The following MAML2 variants were observed in gnomAD, a reference collection of about 807,000 sequenced individuals.
MAML2 encodes mastermind-like protein 2.
A neutral mutation model predicts 96.1 loss-of-function variants in MAML2; 22 were observed. That is an observed-to-expected ratio of 0.23 (90% CI 0.16 to 0.33). The LOEUF (loss-of-function observed/expected upper bound fraction) is 0.33. MAML2 is among the 10% of genes least tolerant of loss of function. The probability of loss-of-function intolerance (pLI) is 1.00; values close to 1 mark genes in which losing one functional copy is unlikely to be tolerated. For missense variants in MAML2, 1,367 were observed against 1,392.4 expected (o/e 0.98, Z 0.29); for synonymous variants, 561 against 521.3 (o/e 1.08, Z -1.04).
intron 1 of MAML2, among the ~76,000 whole-genome samples, chr11:96,185,593 C>T (rs1002032978): frequency 5.9e-5 from 9 of 152,162 alleles, no homozygotes; most frequent in Non-Finnish European, 2.9e-5. Context: ...ACATGTGGGC[C>T]GCAGACTGGC....
intron 1 of MAML2, among the ~76,000 whole-genome samples, chr11:96,340,196 G>A (rs1281010110): frequency 6.6e-6 from 1 of 152,202 alleles, no homozygotes; most frequent in African/African-American, 2.4e-5. Context: ...CCTCTCCCGA[G>A]AGCTCAATAT....
At chr11:96,141,396 C>G (rs1720635066) in intron 1 of MAML2, among the ~76,000 whole-genome samples, 1 of 152,116 alleles carries the variant, frequency 6.6e-6, no homozygotes, top group African/African-American at 2.4e-5. Flanking sequence ...GCAAAAGATT[C>G]CCTATGCACA....
At chr11:96,164,216 G>GA (rs1420373351) in intron 1 of MAML2, among the ~76,000 whole-genome samples, 25 of 152,198 alleles carry the variant, frequency 1.6e-4, no homozygotes, top group African/African-American at 5.8e-4. Flanking sequence ...GGAAACAGAT[G>GA]AAAGAGCATT....
At chr11:96,307,033 A>T (rs1863473151) in intron 1 of MAML2, among the ~76,000 whole-genome samples, 1 of 152,204 alleles carries the variant, frequency 6.6e-6, no homozygotes, top group Admixed American at 6.5e-5. Context: ...GCTACACAGG[A>T]TACTGTTCTG....
chr11:96,241,148 A>C (rs540029204), intron 1 of MAML2, among the ~76,000 whole-genome samples: 1 of 152,352 alleles, frequency 6.6e-6, no homozygotes, highest in South Asian at 2.1e-4. Flanking sequence ...ATATATTTAC[A>C]AATGTCTTCA....
chr11:96,121,239 G>T (rs929012551), intron 1 of MAML2, among the ~76,000 whole-genome samples: 1 of 152,146 alleles, frequency 6.6e-6, no homozygotes, highest in African/African-American at 2.4e-5. Context: ...CAGAGTCTCT[G>T]GCACCCCAGT....
At chr11:96,025,004 A>G (rs1858493729) in intron 2 of MAML2, among the ~76,000 whole-genome samples, 1 of 152,206 alleles carries the variant, frequency 6.6e-6, no homozygotes, top group African/African-American at 2.4e-5. Flanking sequence ...TTTCTCAAAG[A>G]ACTTAAAACA....
chr11:96,013,642 G>A (rs567409422), intron 2 of MAML2, among the ~76,000 whole-genome samples: 1 of 152,302 alleles, frequency 6.6e-6, no homozygotes, highest in East Asian at 1.9e-4. Context: ...GCAGCCAGAC[G>A]TCGAGAGGAG....
chr11:96,012,129 C>A (rs912275777), intron 2 of MAML2, among the ~76,000 whole-genome samples: 1 of 152,150 alleles, frequency 6.6e-6, no homozygotes, highest in Non-Finnish European at 1.5e-5. Flanking sequence ...CGTTTTTGAG[C>A]TGCAGTAGCA....
intron 2 of MAML2, among the ~76,000 whole-genome samples, chr11:95,998,441 G>T (rs962721785): frequency 1.3e-5 from 2 of 152,084 alleles, no homozygotes; most frequent in East Asian, 3.9e-4. Context: ...TAAAAAGTAG[G>T]TACTGACTAA....
intron 2 of MAML2, among the ~76,000 whole-genome samples, chr11:96,064,311 A>C (rs1165725577): frequency 6.6e-6 from 1 of 152,238 alleles, no homozygotes; most frequent in Admixed American, 6.5e-5. Flanking sequence ...CCATTGGTCA[A>C]GTCCGCTCTA....
At chr11:96,057,572 A>G (rs2135774611) in intron 2 of MAML2, among the ~76,000 whole-genome samples, 1 of 152,348 alleles carries the variant, frequency 6.6e-6, no homozygotes, top group South Asian at 2.1e-4. Flanking sequence ...CTTTTTAAAA[A>G]GTATGCCAGT....
At chr11:96,104,190 A>G (rs1859983146) in intron 1 of MAML2, among the ~76,000 whole-genome samples, 1 of 152,246 alleles carries the variant, frequency 6.6e-6, no homozygotes, top group African/African-American at 2.4e-5. Flanking sequence ...ATGTTATAAA[A>G]TAAACCCTAG....
chr11:96,323,815 A>C (rs1863740771), intron 1 of MAML2, among the ~76,000 whole-genome samples: 1 of 152,198 alleles, frequency 6.6e-6, no homozygotes, highest in Non-Finnish European at 1.5e-5. Context: ...CTTTCCCATC[A>C]TGCGTAGGTA....
At chr11:96,138,364 T>A (rs1466193382) in intron 1 of MAML2, among the ~76,000 whole-genome samples, 1 of 152,088 alleles carries the variant, frequency 6.6e-6, no homozygotes, top group African/African-American at 2.4e-5. Context: ...GCCTAGGAGA[T>A]CTTTGTATAG....
At chr11:96,245,055 A>G (rs485642) in intron 1 of MAML2, among the ~76,000 whole-genome samples, 45,246 of 152,006 alleles carry the variant, frequency 0.3, 6,901 homozygotes, top group South Asian at 0.39. Context: ...AAAAAAGCCA[A>G]TGCAACTGAT....
intron 1 of MAML2, among the ~76,000 whole-genome samples, chr11:96,278,071 G>A (rs1002459791): frequency 1.3e-5 from 2 of 152,204 alleles, no homozygotes; most frequent in Non-Finnish European, 2.9e-5. Context: ...TTGCATGTGT[G>A]ATGCCGCTGC....
At chr11:96,022,970 A>C (rs1034339952) in intron 2 of MAML2, among the ~76,000 whole-genome samples, 1 of 152,242 alleles carries the variant, frequency 6.6e-6, no homozygotes, top group Non-Finnish European at 1.5e-5. Context: ...CAATTGTCAC[A>C]TTATAAAAAA....
At chr11:96,207,588 G>C (rs1050490141) in intron 1 of MAML2, among the ~76,000 whole-genome samples, 11 of 152,240 alleles carry the variant, frequency 7.2e-5, no homozygotes, top group African/African-American at 2.7e-4. Flanking sequence ...CTGTGAGATA[G>C]TGTGGTTGCC....
Sources: allele counts gnomAD v4.1 joint callset (sites outside exome capture counted in the v4.1 genomes callset), GRCh38; gene constraint gnomAD v4.1.1; transcripts MANE v1.5; gene names NCBI Gene and HGNC (gene_info 2026-07-23, HGNC 2026-07-21).